HDAC4: variants seen among roughly 807,000 people sequenced by gnomAD.
HDAC4 encodes the protein histone deacetylase 4.
In HDAC4, 16 loss-of-function variants were observed where a neutral mutation model predicts 135.1. The observed-to-expected ratio is 0.12, with a 90% CI of 0.08 to 0.18. The LOEUF is 0.18. Among genes scored for constraint, HDAC4 ranks in the 10% least tolerant of loss-of-function variants. HDAC4 has a pLI of 1.00. For missense variants in HDAC4, 1,143 were observed against 1,511.8 expected (o/e 0.76, Z 4.05); for synonymous variants, 685 against 653.4 (o/e 1.05, Z -0.74).
chr2:239,114,647 A>G (rs930911373), intron 13 of HDAC4, among the ~76,000 whole-genome samples: 2 of 152,154 alleles, frequency 1.3e-5, no homozygotes, highest in Non-Finnish European at 2.9e-5. Flanking sequence ...TGGGTCACAA[A>G]AGGTCTTGAC....
chr2:239,086,299 C>G (rs530314448), intron 19 of HDAC4, among the ~76,000 whole-genome samples: 1 of 118,368 alleles, frequency 8.4e-6, no homozygotes, highest in African/African-American at 3.2e-5. Context: ...TCCCTGTACA[C>G]GAAGGAGACT....
chr2:239,102,041 GCCC>G, intron 16 of HDAC4, among the ~76,000 whole-genome samples: 1 of 108,370 alleles, frequency 9.2e-6, no homozygotes, highest in Admixed American at 1.1e-4. Flanking sequence ...CACGTTCTGT[GCCC>G]TGGAAGCCCC....
At chr2:239,277,238 G>A (rs2050423401) in intron 2 of HDAC4, among the ~76,000 whole-genome samples, 1 of 152,220 alleles carries the variant, frequency 6.6e-6, no homozygotes, top group African/African-American at 2.4e-5. Context: ...GCCGAGCCCG[G>A]TGAGCTCAGC....
chr2:239,365,845 C>A (rs1330126246), intron 1 of HDAC4, among the ~76,000 whole-genome samples: 2 of 150,908 alleles, frequency 1.3e-5, no homozygotes, highest in Non-Finnish European at 2.9e-5. Flanking sequence ...CACGCATGCA[C>A]AGATCAGGGT....
At chr2:239,124,895 C>T (rs1255203273) in intron 12 of HDAC4, among the ~76,000 whole-genome samples, 2 of 150,046 alleles carry the variant, frequency 1.3e-5, no homozygotes, top group African/African-American at 4.9e-5. Flanking sequence ...TATGACATTC[C>T]ATGTTATGTG....
chr2:239,199,928 C>T (rs1283560578), intron 3 of HDAC4, among the ~76,000 whole-genome samples: 5 of 151,996 alleles, frequency 3.3e-5, no homozygotes, highest in Non-Finnish European at 4.4e-5. Context: ...TCAGTAGAGG[C>T]GGGGTTTCAC....
At chr2:239,385,071 C>A (rs1270454135) in intron 1 of HDAC4, among the ~76,000 whole-genome samples, 1 of 152,198 alleles carries the variant, frequency 6.6e-6, no homozygotes, top group Non-Finnish European at 1.5e-5. Context: ...CATCCCTTCC[C>A]TTCCATCTTG....
chr2:239,248,340 C>T (rs1362558330), intron 2 of HDAC4, among the ~76,000 whole-genome samples: 3 of 152,074 alleles, frequency 2.0e-5, no homozygotes, highest in African/African-American at 7.2e-5. Flanking sequence ...GCCACCACGC[C>T]TGGCTAATTT....
intron 2 of HDAC4, among the ~76,000 whole-genome samples, chr2:239,273,420 AAATAAAG>A (rs1433184432): frequency 1.3e-5 from 2 of 152,236 alleles, no homozygotes; most frequent in African/African-American, 4.8e-5. Flanking sequence ...GAAAGATGGT[AAATAAAG>A]AAAGCCTTTC....
At chr2:239,094,315 G>T (rs947179147) in intron 17 of HDAC4, 3 of 985,356 alleles carry the variant, frequency 3.0e-6, no homozygotes, top group Non-Finnish European at 3.6e-6. Context: ...AAGTTTGATT[G>T]CAAGACCTGA....
chr2:239,252,385 T>G (rs1303318223), intron 2 of HDAC4, among the ~76,000 whole-genome samples: 2 of 152,196 alleles, frequency 1.3e-5, no homozygotes, highest in African/African-American at 4.8e-5. Context: ...AGATAGCCTA[T>G]GCCATGGACA....
chr2:239,398,599 C>T (rs983697671), intron 1 of HDAC4, among the ~76,000 whole-genome samples: 3 of 152,226 alleles, frequency 2.0e-5, no homozygotes, highest in Admixed American at 1.3e-4. Context: ...CTGCCTGAGC[C>T]GCACGTGGCC....
At chr2:239,271,277 C>G (rs2050045039) in intron 2 of HDAC4, among the ~76,000 whole-genome samples, 1 of 152,224 alleles carries the variant, frequency 6.6e-6, no homozygotes, top group East Asian at 1.9e-4. Flanking sequence ...CCATGCCTGG[C>G]TAATTTTTAT....
chr2:239,350,739 T>C (rs983331152), intron 2 of HDAC4, among the ~76,000 whole-genome samples: 2 of 152,200 alleles, frequency 1.3e-5, no homozygotes, highest in African/African-American at 4.8e-5. Flanking sequence ...CTTGACCTTG[T>C]GATCTGCCCA....
At position 239,358,134 on chromosome 2, in the gene HDAC4, T is replaced by G. The variant is rs374763272; in HGVS notation, c.-219-5216A>C. Among the ~76,000 whole-genome samples, 12 of 152,172 alleles carry G rather than the reference T, an allele frequency of 7.9e-5. No homozygotes were observed. In the East Asian group the frequency reaches 1.9e-3, roughly 24 times the overall value. ...AGCCGGGCTGTGACACTCACTGTCA[T>G]GATGTTTGCCTAGTGGTGACATCCA... On this transcript the variant is annotated intron_variant, in intron 1 of 26. Coordinates refer to ENST00000543185, the MANE Select transcript of HDAC4 (RefSeq NM_001378414.1).
At chr2:239,064,621 C>T (rs1011399258) in intron 24 of HDAC4, among the ~76,000 whole-genome samples, 5 of 152,206 alleles carry the variant, frequency 3.3e-5, no homozygotes, top group African/African-American at 7.2e-5. Context: ...ACGGCTTCCT[C>T]GGCTAAAGCA....
At chr2:239,124,167 A>G (rs1405933559) in intron 12 of HDAC4, among the ~76,000 whole-genome samples, 1 of 152,124 alleles carries the variant, frequency 6.6e-6, no homozygotes, top group African/African-American at 2.4e-5. Context: ...TTCACATACC[A>G]TCCAATTCAC....
intron 3 of HDAC4, among the ~76,000 whole-genome samples, chr2:239,198,253 G>A (rs1039957327): frequency 6.6e-6 from 1 of 152,170 alleles, no homozygotes; most frequent in African/African-American, 2.4e-5. Context: ...GAGTGTGAGT[G>A]GAGGCACGAA....
At position 239,062,479 on chromosome 2, in the gene HDAC4, T is replaced by A. The variant is rs531014554; in HGVS notation, c.3003+4243A>T. Among the ~76,000 whole-genome samples the A allele has an allele frequency of 1.4e-4, 21 of 152,372 alleles. No individual in the cohort carries two copies. In the South Asian group the frequency reaches 1.9e-3, roughly 14 times the overall value. ...ACTTTTAAAGAGACCTTGATAAAAC[T>A]AGTGCTTCCTCCTTTTTGACGTGTT... On this transcript the variant is annotated intron_variant, in intron 24 of 26. Transcript: ENST00000543185.
Sources: gnomAD v4.1 joint callset for allele counts (sites outside exome capture counted in the v4.1 genomes callset) on GRCh38, gnomAD v4.1.1 for gene constraint, MANE v1.5 for transcripts, NCBI Gene and HGNC (gene_info 2026-07-23, HGNC 2026-07-21) for gene names.